GALNT14: variants seen among roughly 807,000 people sequenced by gnomAD.
The protein encoded by GALNT14 is polypeptide N-acetylgalactosaminyltransferase 14, also known as UDP-GalNAc:polypeptide N-acetylgalactosaminyltransferase 14.
GALNT14 carries 60 observed loss-of-function variants against 77.5 expected under a neutral mutation model. The ratio of observed to expected loss-of-function variants is 0.77; its 90% CI spans 0.63 to 0.96. GALNT14 has a LOEUF of 0.96. Ranked by LOEUF, GALNT14 falls within the 40% of genes least tolerant of loss-of-function variation. The probability of loss-of-function intolerance (pLI) is 0.00; values close to 1 mark genes in which losing one functional copy is unlikely to be tolerated. For missense variants in GALNT14, 710 were observed against 731.0 expected, an observed-to-expected ratio of 0.97 and a Z score of 0.33; for synonymous variants, 280 against 281.7, an observed-to-expected ratio of 0.99 and a Z score of 0.06.
the GALNT14 span, among the ~76,000 whole-genome samples, chr2:30,897,084 G>A: frequency 2.0e-5 from 3 of 152,124 alleles, no homozygotes; most frequent in African/African-American, 7.2e-5. Flanking sequence ...CCTCTGCCTT[G>A]CATTCAAGGT....
intron 1 of GALNT14, chr2:31,132,812 A>G (rs1268485529): frequency 2.2e-6 from 1 of 457,918 alleles, no homozygotes; most frequent in African/African-American, 2.0e-5. Context: ...CATAAGATTA[A>G]AAATGATGGT....
intron 1 of GALNT14, among the ~76,000 whole-genome samples, chr2:31,005,402 GT>G (rs923651725): frequency 1.3e-5 from 2 of 152,112 alleles, no homozygotes; most frequent in African/African-American, 4.8e-5. Flanking sequence ...TCAGAACCTC[GT>G]GGTCAGTTTC....
chr2:30,900,079 T>C, the GALNT14 span, among the ~76,000 whole-genome samples: 2 of 152,188 alleles, frequency 1.3e-5, no homozygotes, highest in African/African-American at 2.4e-5. Context: ...GTAACTTTAC[T>C]ATGGGTAAAC....
intron 1 of GALNT14, among the ~76,000 whole-genome samples, chr2:31,058,461 C>T (rs1674378823): frequency 6.6e-6 from 1 of 152,092 alleles, no homozygotes; most frequent in South Asian, 2.1e-4. Flanking sequence ...ACACCTAGGA[C>T]ATCCTTTGAT....
At chr2:30,905,004 T>A in the GALNT14 span, among the ~76,000 whole-genome samples, 3 of 152,204 alleles carry the variant, frequency 2.0e-5, no homozygotes, top group South Asian at 6.2e-4. Flanking sequence ...GAGGGTCCTG[T>A]CTGTTAGAAG....
intron 1 of GALNT14, among the ~76,000 whole-genome samples, chr2:31,054,387 C>T (rs1674083001): frequency 6.6e-6 from 1 of 152,318 alleles, no homozygotes; most frequent in Admixed American, 6.5e-5. Context: ...TCCCCAGCTG[C>T]CTGATCTAAA....
intron 1 of GALNT14, among the ~76,000 whole-genome samples, chr2:31,069,036 G>T (rs1675173519): frequency 6.6e-6 from 1 of 152,168 alleles, no homozygotes; most frequent in Non-Finnish European, 1.5e-5. Flanking sequence ...ATGGTGCAGG[G>T]TTTCTTTTGG....
At chr2:30,944,827 G>T in intron 8 of GALNT14, 31 bp downstream of exon 8, 1 of 1,525,526 alleles carries the variant, frequency 6.6e-7, no homozygotes, top group Non-Finnish European at 8.9e-7. Context: ...GTGATGGTCT[G>T]CCCACCCCTG....
rs111658368 is a variant in GALNT14 at position 31,070,626 on chromosome 2, G to C, written c.129+67332C>G. ...AGCCAGCACAGCCGAAACAAACAAG[G>C]GCAATGCTGTGAACTGCACTTCCAA... On this transcript the variant is annotated intron_variant, in intron 1 of 14. Coordinates refer to ENST00000349752, the MANE Select transcript of GALNT14 (RefSeq NM_024572.4). Among the ~76,000 whole-genome samples, 1,277 of 152,316 alleles carry C rather than the reference G, an allele frequency of 8.4e-3. 21 individuals carry two copies. The highest frequency in any genetic ancestry group is 0.029 in the African/African-American group (1,224 of 41,568).
In GALNT14 at chr2:31,008,868, C is replaced by T. The variant is rs537082730; in HGVS notation, c.130-15861G>A. ...GACTCTAGCTTCCTGCTGGGGGAGG[C>T]GGCTCCCTGCACGGGTGGCCGGGGA... is the stretch of plus-strand genomic sequence containing the variant. On this transcript the variant is annotated intron_variant, in intron 1 of 14. Transcript: ENST00000349752. Among the ~76,000 whole-genome samples the T allele has an allele frequency of 4.6e-5, 7 of 152,264 alleles. No individual in the cohort carries two copies. The South Asian group carries it at 6.2e-4, about 14-fold the overall frequency.
At chr2:31,119,547 C>T (rs895873675) in intron 1 of GALNT14, among the ~76,000 whole-genome samples, 10 of 152,218 alleles carry the variant, frequency 6.6e-5, no homozygotes, top group Admixed American at 3.3e-4. Context: ...ACGAAAATGA[C>T]GACATTTATA....
chr2:30,945,007 T>C, intron 7 of GALNT14, 65 bp from the exon 8 acceptor site: 1 of 1,396,604 alleles, frequency 7.2e-7, no homozygotes, highest in Non-Finnish European at 9.7e-7. Context: ...CTGCACCCTC[T>C]CCAGAAGGTC....
intron 2 of GALNT14, among the ~76,000 whole-genome samples, chr2:30,992,267 T>A (rs185839696): frequency 6.6e-6 from 1 of 152,168 alleles, no homozygotes; most frequent in East Asian, 1.9e-4. Flanking sequence ...TGCAACCCAC[T>A]GAAGGCATGG....
chr2:31,002,357 G>A (rs1293988851), intron 1 of GALNT14, among the ~76,000 whole-genome samples: 1 of 152,024 alleles, frequency 6.6e-6, no homozygotes, highest in Non-Finnish European at 1.5e-5. Flanking sequence ...TTGAAGTGGG[G>A]AGGCGGAGGC....
chr2:31,128,374 T>C (rs1036695691), intron 1 of GALNT14, among the ~76,000 whole-genome samples: 13 of 152,160 alleles, frequency 8.5e-5, no homozygotes, highest in African/African-American at 3.1e-4. Context: ...TACATTAAGG[T>C]GACGTTGGAT....
intron 1 of GALNT14, among the ~76,000 whole-genome samples, chr2:31,099,665 G>A (rs993669329): frequency 1.4e-4 from 22 of 151,982 alleles, no homozygotes; most frequent in African/African-American, 5.1e-4. Flanking sequence ...TTCCTTCAAT[G>A]ATTTAAGATG....
the GALNT14 span, among the ~76,000 whole-genome samples, chr2:30,895,725 C>T: frequency 6.6e-6 from 1 of 152,086 alleles, no homozygotes; most frequent in Non-Finnish European, 1.5e-5. Flanking sequence ...CCCTTGTTCT[C>T]AAGCAACCTC....
At chr2:31,102,319 C>CTA (rs1402166942) in intron 1 of GALNT14, among the ~76,000 whole-genome samples, 1 of 152,030 alleles carries the variant, frequency 6.6e-6, no homozygotes, top group Non-Finnish European at 1.5e-5. Flanking sequence ...ACTGCTTTAG[C>CTA]TATATAACAT....
At chr2:30,938,837 A>G (rs1053605755) in intron 9 of GALNT14, among the ~76,000 whole-genome samples, 1 of 152,268 alleles carries the variant, frequency 6.6e-6, no homozygotes, top group Non-Finnish European at 1.5e-5. Flanking sequence ...GTGCTGTGAA[A>G]TAAAGACAAC....
Sources: allele counts gnomAD v4.1 joint callset (sites outside exome capture counted in the v4.1 genomes callset), GRCh38; gene constraint gnomAD v4.1.1; transcripts MANE v1.5; gene names NCBI Gene and HGNC (gene_info 2026-07-23, HGNC 2026-07-21).